UBR2: variants seen among roughly 807,000 people sequenced by gnomAD.
The protein encoded by UBR2 is E3 ubiquitin-protein ligase UBR2.
Under a neutral mutation model 247.9 loss-of-function variants are expected in UBR2, and 92 were observed. The observed-to-expected ratio is 0.37, with a 90% CI of 0.31 to 0.44. The LOEUF (loss-of-function observed/expected upper bound fraction) is 0.44. Among genes scored for constraint, UBR2 ranks in the 20% least tolerant of loss-of-function variants. The pLI is 1.00. For missense variants in UBR2, 1,613 were observed against 2,112.6 expected (o/e 0.76, Z 4.64); for synonymous variants, 672 against 693.5 (o/e 0.97, Z 0.49).
At chr6:42,614,375 T>TATATATGTATGTACGTATATACATAC (rs70990112) in intron 8 of UBR2, among the ~76,000 whole-genome samples, 3 of 69,752 alleles carry the variant, frequency 4.3e-5, no homozygotes, top group Non-Finnish European at 3.0e-5. Flanking sequence ...TGTGTATGTG[T>TATATATGTATGTACGTATATACATAC]GTATATATGT....
rs984368964 is a variant in UBR2, at chr6:42,689,494, C to A, written c.5025-75C>A. ...TTTAAATATCAGTACTATAAGACTTCATTCTATTTGGAACTGAATACAAAT... is the reference window on the plus strand; with the variant it reads ...TTTAAATATCAGTACTATAAGACTTAATTCTATTTGGAACTGAATACAAAT... On this transcript the variant is annotated intron_variant, in intron 45 of 46. Coordinates refer to ENST00000372901, the MANE Select transcript of UBR2 (RefSeq NM_001363705.2). This position sits in a 1 kb window ranked among gnomAD's most constrained non-coding sequence, Gnocchi z 4.0. The A allele has an allele frequency of 7.2e-6, 10 of 1,379,910 alleles. No individual in the cohort carries two copies. Among genetic ancestry groups the A allele is most frequent in the Non-Finnish European group, 9.3e-6 (9 of 968,826 alleles). The allele number at this position is 1,379,910 out of a possible 1,614,324, so 85.5% of individuals were successfully genotyped here.
intron 34 of UBR2, among the ~76,000 whole-genome samples, chr6:42,668,895 T>C (rs953495984): frequency 1.3e-5 from 2 of 151,844 alleles, no homozygotes; most frequent in Non-Finnish European, 2.9e-5. Flanking sequence ...TCTATTACTA[T>C]ACTATTACTT....
chr6:42,594,596 A>G (rs547439512), intron 4 of UBR2, among the ~76,000 whole-genome samples: 3 of 152,180 alleles, frequency 2.0e-5, no homozygotes, highest in African/African-American at 7.2e-5. Flanking sequence ...TATTTTTCCC[A>G]TATGTGTAGA....
chr6:42,628,709 T>A (rs1795506962), intron 11 of UBR2, among the ~76,000 whole-genome samples: 2 of 119,760 alleles, frequency 1.7e-5, no homozygotes, highest in South Asian at 2.8e-4. Context: ...AGCGACAGAG[T>A]GAGGCTCTGA....
chr6:42,566,110 T>C (rs1790762794), intron 1 of UBR2, among the ~76,000 whole-genome samples: 2 of 152,074 alleles, frequency 1.3e-5, no homozygotes, highest in African/African-American at 4.8e-5. Flanking sequence ...TCACTGAATT[T>C]TGTGTCTTGG....
At position 42,663,404 on chromosome 6, in the gene UBR2, G is replaced by A. The variant is rs1280516673; in HGVS notation, c.3683G>A (p.Arg1228Lys). 1.2e-6 allele frequency: 2 copies of A among 1,606,546 alleles called. No individual in the cohort carries two copies. The highest frequency in any genetic ancestry group is 4.5e-5 in the East Asian group (2 of 44,478). Reference protein sequence around the residue: ...NTVIPLLLPPRNIFNNRLNFS... With the variant: ...NTVIPLLLPPKNIFNNRLNFS... ...GTTATTCCTCTGCTGCTTCCTCCAA[G>A]AAATATTTTTAACAAGTAAGTTTTG... The change falls in exon 32 of 47, where the codon AGA becomes AAA. Residue 1228 changes from arginine to lysine, a missense_variant. This residue lies in a region of UBR2 where 1,524 missense variants were observed against 1,967.3 expected (regional missense o/e 0.77). Coordinates refer to ENST00000372901, the MANE Select transcript of UBR2 (RefSeq NM_001363705.2).
chr6:42,574,590 A>G lies in UBR2; in HGVS notation c.338+597A>G, dbSNP rs527680864. Among the ~76,000 whole-genome samples, 35 of 152,290 alleles carry G rather than the reference A, an allele frequency of 2.3e-4. No individual in the cohort carries two copies. In the East Asian group the frequency reaches 6.6e-3, roughly 29 times the overall value. On this transcript the variant is annotated intron_variant, in intron 2 of 46. Coordinates refer to ENST00000372901, the MANE Select transcript of UBR2 (RefSeq NM_001363705.2). ...ATTTCTTGGTGAAAATTGAGTATAC[A>G]AGGGTAGAAGATGGAGAATAAAGTG...
intron 40 of UBR2, among the ~76,000 whole-genome samples, chr6:42,677,803 T>C (rs952322440): frequency 6.6e-6 from 1 of 152,192 alleles, no homozygotes; most frequent in African/African-American, 2.4e-5. Context: ...TGATATTATT[T>C]ATATTAGCAA....
Position 42,676,854 on chromosome 6 carries a change from C to T in UBR2, c.4459C>T (p.Leu1487Phe). Residue 1487 changes from leucine (L) to phenylalanine (F), a missense_variant, in exon 40 of 47, where the codon CTT becomes TTT. Leu to Phe is a conservative substitution (Grantham distance 22). Coordinates refer to ENST00000372901, the MANE Select transcript of UBR2 (RefSeq NM_001363705.2). ...AGCAGTTCTTGCTTTGTATAAAACA[C>T]TTCACCAGTATACGGGAAGGTGAGT... is the stretch of plus-strand genomic sequence containing the variant. ...ESAVLALYKT[L>F]HQYTGSALKE... is the part of the protein sequence containing the mutation. The T allele has an allele frequency of 1.2e-6, 2 of 1,613,772 alleles. No homozygotes were observed. Among genetic ancestry groups the T allele is most frequent in the Non-Finnish European group, 1.7e-6 (2 of 1,179,770 alleles).
intron 13 of UBR2, among the ~76,000 whole-genome samples, chr6:42,633,716 G>T (rs1423262362): frequency 2.4e-5 from 3 of 127,222 alleles, no homozygotes; most frequent in Non-Finnish European, 5.2e-5. Flanking sequence ...TTTTTTGTTT[G>T]TTTTTTGTTT....
chr6:42,691,370 C>A lies in UBR2; in HGVS notation c.*197C>A. 1 of 678,766 alleles carries A rather than the reference C, an allele frequency of 1.5e-6. No individual in the cohort carries two copies. Among genetic ancestry groups the A allele is most frequent in the Non-Finnish European group, 2.4e-6 (1 of 416,344 alleles). 42.0% of individuals were successfully genotyped at this position (678,766 alleles called of 1,614,324 possible). ...TTCTTGCACTGTTTGCTGTGCCCCT[C>A]AAATATAATGTCTTGGGTTTTAAGA... On this transcript the variant is annotated 3_prime_UTR_variant, in exon 47 of 47. Coordinates refer to ENST00000372901, the MANE Select transcript of UBR2 (RefSeq NM_001363705.2).
intron 3 of UBR2, 51 bp downstream of exon 3, chr6:42,592,280 ATATCT>A (rs970661255): frequency 6.0e-6 from 8 of 1,333,752 alleles, no homozygotes; most frequent in South Asian, 1.7e-5. Context: ...TTTATAATAA[ATATCT>A]TTTCTTTCTT....
intron 22 of UBR2, among the ~76,000 whole-genome samples, chr6:42,649,329 C>T (rs1796974246): frequency 6.6e-6 from 1 of 152,094 alleles, no homozygotes; most frequent in Admixed American, 6.6e-5. Context: ...TCCTTGTAGT[C>T]ATGTACTGTA....
At chr6:42,572,432 T>G (rs1486586061) in intron 1 of UBR2, among the ~76,000 whole-genome samples, 2 of 151,694 alleles carry the variant, frequency 1.3e-5, no homozygotes, top group Non-Finnish European at 2.9e-5. Context: ...TGACTTCTTA[T>G]GATGTTACAT....
Position 42,637,030 on chromosome 6 carries a change from C to A in UBR2, c.1694C>A (p.Ala565Asp). ...TTTTAGGAAAAAGTGTTAATCGAAG[C>A]TTACAAGAAATGTCTCGCTGTACTG... is the stretch of plus-strand genomic sequence containing the variant. ...CASDEKVLIE[A>D]YKKCLAVLMQ... is the part of the protein sequence containing the mutation. Residue 565 changes from alanine (A) to aspartate (D), a missense_variant, in exon 15 of 47, where the codon GCT becomes GAT. This residue lies in a region of UBR2 where 1,524 missense variants were observed against 1,967.3 expected (regional missense o/e 0.77). Transcript: ENST00000372901. 6.2e-7 allele frequency: 1 copy of A among 1,604,812 alleles called. No homozygotes were observed.
Position 42,603,632 on chromosome 6 carries a change from TA to T in UBR2, c.578del (p.Asn193ThrfsTer11). On this transcript the variant is annotated frameshift_variant, in exon 5 of 47. Coordinates refer to ENST00000372901, the MANE Select transcript of UBR2 (RefSeq NM_001363705.2). LOFTEE classifies it high-confidence loss of function. ...CAGAAGATGTGATAGCAAGAACTTA[TA>T]ACATTTTTGCTATTACGTTTCGGTA... ...LSEDVIARTY[N>X]IFAITFRYAV... 6.3e-7 allele frequency: 1 copy of T among 1,595,286 alleles called. No homozygotes were observed. The highest frequency in any genetic ancestry group is 1.2e-5 in the South Asian group (1 of 86,468).
chr6:42,648,196 A>G (rs1178021557), intron 22 of UBR2, 26 bp downstream of exon 22: 1 of 1,599,726 alleles, frequency 6.3e-7, no homozygotes, highest in Non-Finnish European at 8.6e-7. Context: ...ATTATTTCAC[A>G]TTCTTTTTTA....
intron 9 of UBR2, 37 bp downstream of exon 9, chr6:42,615,215 C>A: frequency 6.8e-7 from 1 of 1,472,428 alleles, no homozygotes; most frequent in Non-Finnish European, 9.2e-7. Flanking sequence ...GTAGAGGAAC[C>A]TATATAAGTA....
Position 42,564,326 on chromosome 6 carries a change from T to G in UBR2, c.7T>G (p.Ser3Ala), listed in dbSNP as rs1318437730. 1.2e-6 allele frequency: 2 copies of G among 1,610,236 alleles called. No homozygotes were observed. Among genetic ancestry groups the G allele is most frequent in the Non-Finnish European group, 1.7e-6 (2 of 1,178,616 alleles). The change falls in exon 1 of 47, where the codon TCG becomes GCG. Residue 3 changes from serine (S) to alanine (A), a missense_variant. By Grantham distance (99) the Ser-to-Ala change is moderately conservative. Around this residue, in one of 3 missense-constraint regions of UBR2, gnomAD observed 1,524 missense variants for 1,967.3 expected, o/e 0.77. Transcript: ENST00000372901. The part of the protein sequence containing the change: MA[S>A]ELEPEVQAID... ...GGGAGGAGGAGGAGAGAAGATGGCG[T>G]CGGAGCTAGAGCCAGAGGTGCAGGC...
Sources: gnomAD v4.1 joint callset for allele counts (sites outside exome capture counted in the v4.1 genomes callset) on GRCh38, gnomAD v4.1.1 for gene constraint, gnomAD v4.1.1 regional missense constraint, Gnocchi (gnomAD v3.1) non-coding constraint, MANE v1.5 for transcripts, NCBI Gene and HGNC (gene_info 2026-07-23, HGNC 2026-07-21) for gene names.